Variants in SLC7A11 observed in about 807,000 individuals in gnomAD.
SLC7A11 encodes the protein solute carrier family 7 member 11, also known as cystine/glutamate transporter.
In SLC7A11, 35 loss-of-function variants were observed where a neutral mutation model predicts 54.5. The observed-to-expected ratio is 0.64, with a 90% CI of 0.49 to 0.85. The LOEUF is 0.85. Among genes scored for constraint, SLC7A11 ranks in the 40% least tolerant of loss-of-function variants. The pLI is 0.00. For missense variants in SLC7A11, 583 were observed against 618.1 expected (o/e 0.94, Z 0.60); for synonymous variants, 230 against 225.2 (o/e 1.02, Z -0.19).
intron 8 of SLC7A11, 80 bp downstream of exon 8, chr4:138,183,122 C>T (rs1736786939): frequency 2.0e-6 from 2 of 1,003,424 alleles, no homozygotes; most frequent in Admixed American, 4.4e-5. Context: ...GGCACTATTT[C>T]TTTTCTTTTT....
At chr4:138,178,432 G>T (rs1736636689) in intron 11 of SLC7A11, among the ~76,000 whole-genome samples, 2 of 152,072 alleles carry the variant, frequency 1.3e-5, no homozygotes, top group Admixed American at 1.3e-4. Flanking sequence ...AAATAGTGCT[G>T]CAATAAACAT....
At chr4:138,236,983 C>CTTTTTT (rs34896335) in intron 1 of SLC7A11, among the ~76,000 whole-genome samples, 27 of 111,932 alleles carry the variant, frequency 2.4e-4, no homozygotes, top group South Asian at 6.0e-4. Flanking sequence ...TGCAAGATTT[C>CTTTTTT]TTTTTTTTTT....
Position 138,171,864 on chromosome 4 carries a change from G to C in SLC7A11, c.*92C>G. On this transcript the variant is annotated 3_prime_UTR_variant, in exon 12 of 12. Coordinates refer to ENST00000280612, the MANE Select transcript of SLC7A11 (RefSeq NM_014331.4). ...CTGACTCCTTTTGTTTATCACCAAA[G>C]TTGTAATTCTCTAGACTTTCAGAAA... 1 of 1,493,476 alleles carries C rather than the reference G, an allele frequency of 6.7e-7. No individual in the cohort carries two copies. Among genetic ancestry groups the C allele is most frequent in the East Asian group, 2.5e-5 (1 of 40,090 alleles). 92.5% of individuals were successfully genotyped at this position (1,493,476 alleles called of 1,614,324 possible).
chr4:138,210,522 T>C (rs1465415720), intron 6 of SLC7A11, among the ~76,000 whole-genome samples: 1 of 152,034 alleles, frequency 6.6e-6, no homozygotes, highest in Non-Finnish European at 1.5e-5. Context: ...ATCCAAAATC[T>C]ATAAAGAACT....
At position 138,214,645 on chromosome 4, in the gene SLC7A11, T is replaced by A; in HGVS notation, c.747-16A>T. On this transcript the variant is annotated splice_polypyrimidine_tract_variant and intron_variant, in intron 5 of 11. Transcript: ENST00000280612. ...GAGGTAAAACCTAAAAATAGATAAA[T>A]AAATTATAAACTATTAATATATTTT... 9.5e-7 allele frequency: 1 copy of A among 1,047,740 alleles called. No homozygotes were observed. Among genetic ancestry groups the A allele is most frequent in the Admixed American group, 2.4e-5 (1 of 42,020 alleles). 64.9% of individuals were successfully genotyped at this position (1,047,740 alleles called of 1,614,324 possible).
In SLC7A11 at chr4:138,207,935, C is replaced by T. The variant is rs139798660; in HGVS notation, c.791+6650G>A. 2.8e-3 allele frequency among the ~76,000 whole-genome samples: 427 copies of T among 152,124 alleles called. 3 individuals carry two copies. Among genetic ancestry groups the T allele is most frequent in the African/African-American group, 9.6e-3 (400 of 41,540 alleles). On this transcript the variant is annotated intron_variant, in intron 6 of 11. Transcript: ENST00000280612. Reference sequence around the variant, plus strand: ...ACAGTATTGTAAAGAATTACACAGTCAATAAGGAATTAATACAGATACACT... The same window carrying T: ...ACAGTATTGTAAAGAATTACACAGTTAATAAGGAATTAATACAGATACACT...
At chr4:138,173,587 T>A (rs962405563) in intron 11 of SLC7A11, among the ~76,000 whole-genome samples, 63 of 151,784 alleles carry the variant, frequency 4.2e-4, no homozygotes, top group African/African-American at 1.5e-3. Flanking sequence ...TAAGCCGAGA[T>A]TGCACCATTA....
intron 4 of SLC7A11, among the ~76,000 whole-genome samples, chr4:138,222,663 T>A (rs1175470927): frequency 1.3e-5 from 2 of 152,182 alleles, no homozygotes; most frequent in Non-Finnish European, 2.9e-5. Flanking sequence ...CAATAAAAAT[T>A]AAGTTTTTAC....
At chr4:138,205,383 A>C (rs1737382746) in intron 6 of SLC7A11, among the ~76,000 whole-genome samples, 1 of 152,116 alleles carries the variant, frequency 6.6e-6, no homozygotes, top group Admixed American at 6.6e-5. Flanking sequence ...CAAATTCAAA[A>C]GTTGCTCATT....
At chr4:138,224,815 A>AAAAGAAGGAAGGAAGGAAGGAAGG (rs944259412) in intron 3 of SLC7A11, among the ~76,000 whole-genome samples, 2 of 135,880 alleles carry the variant, frequency 1.5e-5, no homozygotes, top group Admixed American at 7.6e-5. Flanking sequence ...AGGAAGGATG[A>AAAAGAAGGAAGGAAGGAAGGAAGG]AAGGAAGGAA....
intron 6 of SLC7A11, among the ~76,000 whole-genome samples, chr4:138,199,187 C>T (rs4277825): frequency 0.41 from 61,869 of 151,752 alleles, 13,503 homozygotes; most frequent in Middle Eastern, 0.6. Context: ...TATATGCACA[C>T]GCACGCACAA....
At chr4:138,222,455 T>C (rs1237722166) in intron 4 of SLC7A11, among the ~76,000 whole-genome samples, 2 of 152,228 alleles carry the variant, frequency 1.3e-5, no homozygotes, top group Non-Finnish European at 2.9e-5. Flanking sequence ...TCCTGCTATA[T>C]TCCTGTTGCT....
chr4:138,214,933 C>A (rs995446793), intron 5 of SLC7A11, among the ~76,000 whole-genome samples: 1 of 152,102 alleles, frequency 6.6e-6, no homozygotes, highest in East Asian at 1.9e-4. Context: ...GGAGCAAGCA[C>A]GTGGGAGCCA....
chr4:138,233,559 C>T (rs1472157965), intron 2 of SLC7A11, among the ~76,000 whole-genome samples: 5 of 152,068 alleles, frequency 3.3e-5, no homozygotes, highest in East Asian at 1.9e-4. Flanking sequence ...CATTCATGCC[C>T]GATCCATAGA....
Position 138,171,799 on chromosome 4 carries a change from A to G in SLC7A11, c.*157T>C. ...ATAGAGTTATAACTAAATTTCTTAGAAATTAGTTCGAATATGCTAAAATAT... is the reference window on the plus strand; with the variant it reads ...ATAGAGTTATAACTAAATTTCTTAGGAATTAGTTCGAATATGCTAAAATAT... On this transcript the variant is annotated 3_prime_UTR_variant, in exon 12 of 12. Transcript: ENST00000280612. The G allele has an allele frequency of 1.1e-6, 1 of 913,002 alleles. No individual in the cohort carries two copies. The highest frequency in any genetic ancestry group is 1.6e-6 in the Non-Finnish European group (1 of 637,002). The allele number at this position is 913,002 out of a possible 1,614,324, so 56.6% of individuals were successfully genotyped here.
chr4:138,172,899 A>C (rs1165872885), intron 11 of SLC7A11, among the ~76,000 whole-genome samples: 1 of 152,126 alleles, frequency 6.6e-6, no homozygotes, highest in Non-Finnish European at 1.5e-5. Context: ...GTTAGAGTGC[A>C]ATGGTGCGAT....
chr4:138,199,185 C>A (rs1212525691), intron 6 of SLC7A11, among the ~76,000 whole-genome samples: 8 of 152,140 alleles, frequency 5.3e-5, no homozygotes, highest in African/African-American at 1.9e-4. Context: ...CATATATGCA[C>A]ACGCACGCAC....
rs1381576973 is a variant in SLC7A11, at chr4:138,182,358, G to A, written c.1055C>T (p.Pro352Leu). 3.7e-6 allele frequency: 6 copies of A among 1,611,576 alleles called. No individual in the cohort carries two copies. In the Admixed American group the frequency reaches 1.0e-4, roughly 27 times the overall value. The change falls in exon 9 of 12, where the codon CCA (proline) becomes CTA (leucine). Residue 352 changes from proline to leucine, a missense_variant. Coordinates refer to ENST00000280612, the MANE Select transcript of SLC7A11 (RefSeq NM_014331.4). ...FYVASREGHL[P>L]EILSMIHVRK... ...GACATGAATCATGGAGAGGATTTCTGGAAGGTGACCCTCTCGAGACGCAAC... is the reference window on the plus strand; with the variant it reads ...GACATGAATCATGGAGAGGATTTCTAGAAGGTGACCCTCTCGAGACGCAAC...
At position 138,234,108 on chromosome 4, in the gene SLC7A11, T is replaced by C. The variant is rs1393069274; in HGVS notation, c.405-1726A>G. The stretch of plus-strand genomic sequence containing the variant: ...ATAATGATTTCCTCCCACTTGACTC[T>C]GAGCTCTAAGGGTACAAAATCATAT... On this transcript the variant is annotated intron_variant, in intron 2 of 11. Coordinates refer to ENST00000280612, the MANE Select transcript of SLC7A11 (RefSeq NM_014331.4). Among the ~76,000 whole-genome samples, 4 of 152,258 alleles carry C rather than the reference T, an allele frequency of 2.6e-5. No homozygotes were observed. The East Asian group carries it at 7.7e-4, about 29-fold the overall frequency.
Sources: gnomAD v4.1 joint callset for allele counts (sites outside exome capture counted in the v4.1 genomes callset) on GRCh38, gnomAD v4.1.1 for gene constraint, MANE v1.5 for transcripts, NCBI Gene and HGNC (gene_info 2026-07-23, HGNC 2026-07-21) for gene names.